The following RUNDC3B variants were observed in gnomAD, a reference collection of about 807,000 sequenced individuals.
The protein encoded by RUNDC3B is RUN domain-containing protein 3B.
In RUNDC3B, 33 loss-of-function variants were observed where a neutral mutation model predicts 58.4. The ratio of observed to expected loss-of-function variants is 0.56; its 90% CI spans 0.43 to 0.75. RUNDC3B has a LOEUF of 0.75. Ranked by LOEUF, RUNDC3B falls within the 30% of genes least tolerant of loss-of-function variation. The pLI is 0.00. For synonymous variants in RUNDC3B, 193 were observed against 195.2 expected (o/e 0.99, Z 0.10); for missense variants, 501 against 535.7 (o/e 0.94, Z 0.64).
At chr7:87,646,831 TC>T (rs1218194727) in intron 1 of RUNDC3B, among the ~76,000 whole-genome samples, 2 of 152,204 alleles carry the variant, frequency 1.3e-5, no homozygotes, top group Non-Finnish European at 2.9e-5. Flanking sequence ...TTTCTCTTTA[TC>T]TTTTTGTTTC....
chr7:87,707,743 A>T (rs1390901077), intron 3 of RUNDC3B, among the ~76,000 whole-genome samples: 1 of 152,032 alleles, frequency 6.6e-6, no homozygotes. Context: ...CTTATCATAC[A>T]CCCAGTGGAG....
intron 2 of RUNDC3B, among the ~76,000 whole-genome samples, chr7:87,676,862 T>C (rs191329681): frequency 9.2e-5 from 14 of 152,118 alleles, no homozygotes; most frequent in Admixed American, 9.2e-4. Context: ...CCAACTGATA[T>C]ATGAAAAGAC....
chr7:87,726,342 A>G (rs1476001950), intron 4 of RUNDC3B, among the ~76,000 whole-genome samples: 1 of 152,210 alleles, frequency 6.6e-6, no homozygotes, highest in Non-Finnish European at 1.5e-5. Context: ...CATTTATTAA[A>G]TAGGGAATCC....
intron 6 of RUNDC3B, among the ~76,000 whole-genome samples, chr7:87,765,042 G>T (rs1218344401): frequency 6.6e-6 from 1 of 151,572 alleles, no homozygotes; most frequent in East Asian, 1.9e-4. Context: ...GGGAAGTGTA[G>T]GTTTCAGAAA....
chr7:87,706,625 G>T (rs926820666), intron 3 of RUNDC3B, among the ~76,000 whole-genome samples: 2 of 152,162 alleles, frequency 1.3e-5, no homozygotes, highest in Admixed American at 1.3e-4. Context: ...GAGCTGAGCC[G>T]CACATCCATC....
At chr7:87,703,890 TTTTTTTTTTTTTTTTTTTTTTTGG>T (rs1829332086) in intron 3 of RUNDC3B, among the ~76,000 whole-genome samples, 3 of 108,640 alleles carry the variant, frequency 2.8e-5, no homozygotes, top group Non-Finnish European at 3.8e-5. Flanking sequence ...TTTTTCTTTT[TTTTTTTTTTTTTTTTTTTTTTTGG>T]TTTTTTTTTT....
At chr7:87,787,280 A>G (rs900595635) in intron 8 of RUNDC3B, among the ~76,000 whole-genome samples, 2 of 152,200 alleles carry the variant, frequency 1.3e-5, no homozygotes, top group Non-Finnish European at 2.9e-5. Flanking sequence ...ACTGTCAAGA[A>G]GGCCTATAAT....
intron 4 of RUNDC3B, among the ~76,000 whole-genome samples, chr7:87,727,214 C>G (rs921084158): frequency 9.2e-5 from 14 of 152,002 alleles, no homozygotes; most frequent in African/African-American, 3.1e-4. Context: ...GTATGATATT[C>G]GCTGTGGGTT....
intron 2 of RUNDC3B, among the ~76,000 whole-genome samples, chr7:87,685,490 C>T (rs918223976): frequency 1.3e-5 from 2 of 151,202 alleles, no homozygotes; most frequent in African/African-American, 4.8e-5. Context: ...ATACACTGGA[C>T]AAACTCAGTA....
At chr7:87,673,255 T>C (rs1415897956) in intron 2 of RUNDC3B, among the ~76,000 whole-genome samples, 2 of 152,214 alleles carry the variant, frequency 1.3e-5, no homozygotes, top group Non-Finnish European at 2.9e-5. Flanking sequence ...TGAATTTGAA[T>C]GTTGACTTCT....
intron 1 of RUNDC3B, among the ~76,000 whole-genome samples, chr7:87,645,270 G>C (rs1356523809): frequency 6.6e-6 from 1 of 151,908 alleles, no homozygotes; most frequent in Non-Finnish European, 1.5e-5. Flanking sequence ...TTTTAGTAGA[G>C]ATGGGGTTTC....
intron 6 of RUNDC3B, among the ~76,000 whole-genome samples, chr7:87,749,583 G>T (rs559139602): frequency 1.3e-5 from 2 of 151,734 alleles, no homozygotes; most frequent in East Asian, 1.9e-4. Flanking sequence ...AAATCAAATC[G>T]CATCCACAGA....
chr7:87,724,408 G>A lies in RUNDC3B; in HGVS notation c.458+13753G>A, dbSNP rs1157427500. 2.6e-5 allele frequency among the ~76,000 whole-genome samples: 4 copies of A among 151,992 alleles called. 1 individual carries two copies. The East Asian group carries it at 7.7e-4, about 29-fold the overall frequency. On this transcript the variant is annotated intron_variant, in intron 4 of 10. Coordinates refer to ENST00000394654, the MANE Select transcript of RUNDC3B (RefSeq NM_001134405.2). Reference sequence around the variant, plus strand: ...GGATTGTTTCTAAATTTAAGGCTAAGTCTAAAATATATTTAGATTATTAAA... The same window carrying A: ...GGATTGTTTCTAAATTTAAGGCTAAATCTAAAATATATTTAGATTATTAAA...
At chr7:87,743,807 T>C (rs891322397) in intron 6 of RUNDC3B, among the ~76,000 whole-genome samples, 1 of 152,230 alleles carries the variant, frequency 6.6e-6, no homozygotes, top group Non-Finnish European at 1.5e-5. Flanking sequence ...GCAAAAGCTC[T>C]TTAGTTTAAT....
chr7:87,669,979 G>A (rs900821429), intron 2 of RUNDC3B, among the ~76,000 whole-genome samples: 2 of 152,142 alleles, frequency 1.3e-5, no homozygotes, highest in Non-Finnish European at 2.9e-5. Context: ...GAATCTTGCA[G>A]GAGTTCTCTG....
At chr7:87,794,547 A>C (rs1263138510) in intron 8 of RUNDC3B, among the ~76,000 whole-genome samples, 1 of 152,142 alleles carries the variant, frequency 6.6e-6, no homozygotes, top group African/African-American at 2.4e-5. Flanking sequence ...AATATTATTA[A>C]AATGTCCATT....
At chr7:87,789,804 T>C (rs999441654) in intron 8 of RUNDC3B, among the ~76,000 whole-genome samples, 3 of 152,176 alleles carry the variant, frequency 2.0e-5, no homozygotes, top group Non-Finnish European at 4.4e-5. Flanking sequence ...TTCCTCTGCC[T>C]GAAGAAAGAG....
chr7:87,678,785 A>G (rs184395425), intron 2 of RUNDC3B, among the ~76,000 whole-genome samples: 34 of 152,338 alleles, frequency 2.2e-4, no homozygotes, highest in African/African-American at 7.0e-4. Context: ...AGATTTAATT[A>G]TATATCAAAG....
intron 10 of RUNDC3B, among the ~76,000 whole-genome samples, chr7:87,826,476 C>T (rs1049189527): frequency 6.6e-6 from 1 of 151,142 alleles, no homozygotes; most frequent in East Asian, 1.9e-4. Context: ...TGGACTAATA[C>T]AAGGTATCTA....
Sources: allele counts gnomAD v4.1 joint callset (sites outside exome capture counted in the v4.1 genomes callset), GRCh38; gene constraint gnomAD v4.1.1; transcripts MANE v1.5; gene names NCBI Gene and HGNC (gene_info 2026-07-23, HGNC 2026-07-21).